The following IL1RAPL2 variants were observed in gnomAD, a reference collection of about 807,000 sequenced individuals.
IL1RAPL2 encodes interleukin 1 receptor accessory protein like 2.
IL1RAPL2 carries 3 observed loss-of-function variants against 44.1 expected under a neutral mutation model. That is an observed-to-expected ratio of 0.07 (90% CI 0.03 to 0.18). IL1RAPL2 has a LOEUF of 0.18. IL1RAPL2 is among the 10% of genes least tolerant of loss of function. The pLI, the probability that IL1RAPL2 is intolerant of heterozygous loss-of-function variation, is 1.00. For missense variants in IL1RAPL2, 391 were observed against 496.4 expected (o/e 0.79, Z 2.02); for synonymous variants, 181 against 178.8 (o/e 1.01, Z -0.10).
At chrX:104,937,971 C>T (rs974828507) in intron 2 of IL1RAPL2, among the ~76,000 whole-genome samples, 1 of 112,319 alleles carries the variant, frequency 8.9e-6, no homozygotes, top group Non-Finnish European at 1.9e-5. Context: ...CAGGCAGCCA[C>T]CTCATTTATT....
intron 2 of IL1RAPL2, among the ~76,000 whole-genome samples, chrX:104,890,616 A>G: frequency 8.9e-6 from 1 of 111,992 alleles, no homozygotes; most frequent in South Asian, 3.8e-4. Context: ...ATATCTGTTC[A>G]TATGCTTTGT....
At chrX:104,896,997 T>G (rs982193342) in intron 2 of IL1RAPL2, among the ~76,000 whole-genome samples, 1 of 111,348 alleles carries the variant, frequency 9.0e-6, no homozygotes, top group South Asian at 3.8e-4. Flanking sequence ...ACTGGACACA[T>G]CTGAACATCT....
intron 2 of IL1RAPL2, among the ~76,000 whole-genome samples, chrX:105,097,873 C>T (rs188930897): frequency 4.0e-4 from 44 of 111,239 alleles, no homozygotes; most frequent in East Asian, 1.1e-3. Flanking sequence ...GTACCCGTTA[C>T]GTCACAAGGT....
At chrX:105,422,729 G>A (rs1047381010) in intron 5 of IL1RAPL2, among the ~76,000 whole-genome samples, 10 of 111,307 alleles carry the variant, frequency 9.0e-5, no homozygotes, top group Admixed American at 4.8e-4. Context: ...GATTACTTCC[G>A]TCTTCTACTA....
chrX:104,635,865 G>T (rs1436621964), intron 1 of IL1RAPL2, among the ~76,000 whole-genome samples: 2 of 112,216 alleles, frequency 1.8e-5, no homozygotes, highest in Non-Finnish European at 3.8e-5. Context: ...TCTCCGTCCA[G>T]CTTTGTTCCA....
At chrX:105,674,899 G>A (rs181496145) in intron 6 of IL1RAPL2, among the ~76,000 whole-genome samples, 56 of 110,255 alleles carry the variant, frequency 5.1e-4, no homozygotes, top group Middle Eastern at 4.6e-3. Flanking sequence ...TGTATTCCTA[G>A]GTATTTTATT....
At chrX:105,220,128 C>T (rs782447109) in intron 3 of IL1RAPL2, 1 of 1,211,768 alleles carries the variant, frequency 8.3e-7, no homozygotes, top group African/African-American at 1.7e-5. Context: ...GCAGCCACCG[C>T]ACCCTGTGCC....
intron 6 of IL1RAPL2, among the ~76,000 whole-genome samples, chrX:105,543,602 A>G (rs2036763154): frequency 8.9e-6 from 1 of 112,384 alleles, no homozygotes; most frequent in South Asian, 3.7e-4. Context: ...ATCTGAAGCC[A>G]AGAAAGACCA....
intron 6 of IL1RAPL2, among the ~76,000 whole-genome samples, chrX:105,694,302 C>T (rs1022436143): frequency 1.8e-5 from 2 of 111,535 alleles, no homozygotes; most frequent in Non-Finnish European, 3.8e-5. Context: ...ATTAGAGTAA[C>T]GCAGGTAAGA....
At chrX:104,584,109 A>G (rs1928463149) in intron 1 of IL1RAPL2, among the ~76,000 whole-genome samples, 1 of 111,451 alleles carries the variant, frequency 9.0e-6, no homozygotes, top group South Asian at 3.8e-4. Context: ...AATCTGATTC[A>G]ATAAATCTCG....
chrX:105,226,700 C>T (rs1556189476), intron 3 of IL1RAPL2, among the ~76,000 whole-genome samples: 1 of 110,125 alleles, frequency 9.1e-6, no homozygotes, highest in Non-Finnish European at 1.9e-5. Flanking sequence ...CTGGGCCCAG[C>T]CCCCGTTACC....
At chrX:105,419,957 A>G (rs767068924) in intron 5 of IL1RAPL2, among the ~76,000 whole-genome samples, 1 of 111,587 alleles carries the variant, frequency 9.0e-6, no homozygotes, top group Non-Finnish European at 1.9e-5. Context: ...AAAGGATGAA[A>G]TAGTTACAAA....
chrX:105,284,595 G>A (rs2034556997), intron 5 of IL1RAPL2, among the ~76,000 whole-genome samples: 1 of 111,647 alleles, frequency 9.0e-6, no homozygotes, highest in Admixed American at 9.6e-5. Context: ...AATAAAGCCT[G>A]GTACATAGTT....
intron 2 of IL1RAPL2, among the ~76,000 whole-genome samples, chrX:104,711,071 G>A (rs187324430): frequency 1.5e-3 from 166 of 111,527 alleles, no homozygotes; most frequent in Admixed American, 3.2e-3. Flanking sequence ...GCGTGTTATT[G>A]TCCACTGTAC....
chrX:105,420,085 A>G (rs140707868), intron 5 of IL1RAPL2, among the ~76,000 whole-genome samples: 3,333 of 109,344 alleles, frequency 0.03, 140 homozygotes, highest in African/African-American at 0.1. Flanking sequence ...TTTTCTTCTG[A>G]GTACAACAGA....
At chrX:104,846,569 G>T (rs188141949) in intron 2 of IL1RAPL2, among the ~76,000 whole-genome samples, 163 of 111,835 alleles carry the variant, frequency 1.5e-3, no homozygotes, top group African/African-American at 5.1e-3. Flanking sequence ...GTGTATATGT[G>T]CCACATTTTC....
chrX:104,609,926 A>G, intron 1 of IL1RAPL2, among the ~76,000 whole-genome samples: 1 of 111,376 alleles, frequency 9.0e-6, no homozygotes, highest in Non-Finnish European at 1.9e-5. Context: ...GGAGGAGAAG[A>G]GGCATTCTGT....
intron 2 of IL1RAPL2, among the ~76,000 whole-genome samples, chrX:104,765,868 C>T (rs1351234662): frequency 1.8e-5 from 2 of 112,310 alleles, no homozygotes; most frequent in Non-Finnish European, 3.8e-5. Context: ...TCCTCTGTTT[C>T]TGAATGACAG....
intron 6 of IL1RAPL2, among the ~76,000 whole-genome samples, chrX:105,663,961 C>G (rs2037738990): frequency 8.9e-6 from 1 of 112,058 alleles, no homozygotes; most frequent in Non-Finnish European, 1.9e-5. Flanking sequence ...GAAAATGCAG[C>G]TTTTAGGTAA....
Sources: allele counts gnomAD v4.1 joint callset (sites outside exome capture counted in the v4.1 genomes callset), GRCh38; gene constraint gnomAD v4.1.1; transcripts MANE v1.5; gene names NCBI Gene and HGNC (gene_info 2026-07-23, HGNC 2026-07-21).